The following ZNF804A variants were observed in gnomAD, a reference collection of about 807,000 sequenced individuals.
The protein encoded by ZNF804A is zinc finger protein 804A.
In ZNF804A, 2 loss-of-function variants were observed where a neutral mutation model predicts 16.5. That is an observed-to-expected ratio of 0.12 (90% CI 0.05 to 0.38). ZNF804A has a LOEUF of 0.38. ZNF804A is among the 10% of genes least tolerant of loss of function. ZNF804A has a pLI of 0.99. For synonymous variants in ZNF804A, 534 were observed against 489.6 expected, an observed-to-expected ratio of 1.09 and a Z score of -1.20; for missense variants, 1,473 against 1,390.7, an observed-to-expected ratio of 1.06 and a Z score of -0.94.
intron 1 of ZNF804A, among the ~76,000 whole-genome samples, chr2:184,739,771 A>T (rs1028172124): frequency 9.9e-5 from 15 of 152,178 alleles, no homozygotes; most frequent in African/African-American, 3.6e-4. Context: ...TCAATGTCCC[A>T]ATACTTTAAT....
intron 1 of ZNF804A, among the ~76,000 whole-genome samples, chr2:184,684,115 G>A (rs1449777934): frequency 1.3e-5 from 2 of 152,178 alleles, no homozygotes; most frequent in Non-Finnish European, 2.9e-5. Flanking sequence ...TAAGGAAGTG[G>A]CTTCTTCTGA....
At chr2:184,840,540 TTTAA>T (rs966966712) in intron 1 of ZNF804A, among the ~76,000 whole-genome samples, 25 of 152,306 alleles carry the variant, frequency 1.6e-4, no homozygotes, top group African/African-American at 6.0e-4. Flanking sequence ...AAATGTCATT[TTTAA>T]TTAATTCAAA....
At chr2:184,627,756 A>T (rs950324125) in intron 1 of ZNF804A, among the ~76,000 whole-genome samples, 1 of 152,218 alleles carries the variant, frequency 6.6e-6, no homozygotes, top group Admixed American at 6.5e-5. Context: ...AAGAGACATT[A>T]GAAATGGATT....
intron 1 of ZNF804A, among the ~76,000 whole-genome samples, chr2:184,723,974 A>G (rs1693362781): frequency 6.6e-6 from 1 of 151,802 alleles, no homozygotes; most frequent in African/African-American, 2.4e-5. Context: ...TAACATACTT[A>G]GAAATTAATG....
chr2:184,625,282 A>G (rs555837185), intron 1 of ZNF804A, among the ~76,000 whole-genome samples: 3 of 152,202 alleles, frequency 2.0e-5, no homozygotes, highest in Non-Finnish European at 4.4e-5. Context: ...TAAAATAGCC[A>G]TCAGTTTATA....
chr2:184,757,965 T>A (rs1693983884), intron 1 of ZNF804A, among the ~76,000 whole-genome samples: 1 of 152,054 alleles, frequency 6.6e-6, no homozygotes, highest in Admixed American at 6.6e-5. Flanking sequence ...TTTCCCTTAC[T>A]GTGTAGCCTT....
At chr2:184,695,599 G>T (rs1377069785) in intron 1 of ZNF804A, among the ~76,000 whole-genome samples, 1 of 147,404 alleles carries the variant, frequency 6.8e-6, no homozygotes, top group African/African-American at 2.5e-5. Context: ...TTACATTTTT[G>T]TAGAGATGGG....
intron 1 of ZNF804A, among the ~76,000 whole-genome samples, chr2:184,778,680 C>A (rs536001800): frequency 5.1e-4 from 77 of 151,760 alleles, no homozygotes; most frequent in Admixed American, 2.0e-3. Flanking sequence ...AAAGCAACAC[C>A]AGGCATTCTT....
chr2:184,938,259 C>G lies in ZNF804A; in HGVS notation c.2863C>G (p.Pro955Ala), dbSNP rs1685828179. The G allele has an allele frequency of 1.9e-6, 3 of 1,613,948 alleles. No homozygotes were observed. The East Asian group carries it at 6.7e-5, about 36-fold the overall frequency. The change falls in exon 4 of 4, where the codon CCT (proline) becomes GCT (alanine). Residue 955 changes from proline (P) to alanine (A), a missense_variant. Physicochemically the swap from Pro to Ala is conservative, Grantham distance 27 (BLOSUM62 -1). Coordinates refer to ENST00000302277, the MANE Select transcript of ZNF804A (RefSeq NM_194250.2). ...LNEKQIPFQV[P>A]NIERNFRQSQ... is the part of the protein sequence containing the mutation. ...TGAAAAGCAAATTCCTTTTCAGGTG[C>G]CTAATATTGAAAGGAACTTTAGACA...
intron 1 of ZNF804A, among the ~76,000 whole-genome samples, chr2:184,835,249 G>A (rs1006769316): frequency 3.9e-5 from 6 of 152,044 alleles, no homozygotes; most frequent in Admixed American, 3.9e-4. Context: ...GTGTAGAGCA[G>A]CAGCAGAGGT....
At chr2:184,688,497 A>G (rs1470615539) in intron 1 of ZNF804A, among the ~76,000 whole-genome samples, 1 of 151,492 alleles carries the variant, frequency 6.6e-6, no homozygotes, top group Non-Finnish European at 1.5e-5. Context: ...TTTTTCAGAC[A>G]CCCCCCTAAA....
At chr2:184,793,484 A>G (rs552496058) in intron 1 of ZNF804A, among the ~76,000 whole-genome samples, 109 of 152,100 alleles carry the variant, frequency 7.2e-4, no homozygotes, top group Non-Finnish European at 1.4e-3. Context: ...GTGAGATGGT[A>G]TCTCATTGTG....
chr2:184,891,911 G>GA (rs1306169818), intron 2 of ZNF804A, among the ~76,000 whole-genome samples: 7 of 151,962 alleles, frequency 4.6e-5, no homozygotes, highest in Non-Finnish European at 8.8e-5. Context: ...TATCCTAAAA[G>GA]AAAAAATTAC....
chr2:184,856,045 A>G (rs556261168), intron 1 of ZNF804A, among the ~76,000 whole-genome samples: 70 of 152,038 alleles, frequency 4.6e-4, no homozygotes, highest in South Asian at 1.2e-3. Context: ...GCAAGGTGAT[A>G]ATAATAATAG....
At position 184,604,146 on chromosome 2, in the gene ZNF804A, CTTTTTTTTTTTT is replaced by C. The variant is rs759053144; in HGVS notation, c.111+5106_111+5117del. ...TTCAGGTTATGGATGACTGCAATTA[CTTTTTTTTTTTT>C]TTTTTTTTTTTTTTTTTTTTTTTTT... is the stretch of plus-strand genomic sequence containing the variant. On this transcript the variant is annotated intron_variant, in intron 1 of 3. Coordinates refer to ENST00000302277, the MANE Select transcript of ZNF804A (RefSeq NM_194250.2). Among the ~76,000 whole-genome samples the C allele has an allele frequency of 7.4e-4, 33 of 44,864 alleles. 3 individuals are homozygous for C. The highest frequency in any genetic ancestry group is 1.3e-3 in the Admixed American group (4 of 2,996). The allele number at this position is 44,864 out of a possible 152,430, so 29.4% of individuals were successfully genotyped here.
intron 1 of ZNF804A, among the ~76,000 whole-genome samples, chr2:184,795,318 A>C (rs1694614952): frequency 6.6e-6 from 1 of 152,192 alleles, no homozygotes; most frequent in Non-Finnish European, 1.5e-5. Flanking sequence ...CTCCTCATTA[A>C]GCACTAGGTC....
rs755199105 is a variant in ZNF804A at position 184,853,832 on chromosome 2, AT to A, written c.112-12535del. Among the ~76,000 whole-genome samples the A allele has an allele frequency of 3.6e-4, 54 of 149,074 alleles. No homozygotes were observed. In the Middle Eastern group the frequency reaches 0.011, roughly 30 times the overall value. On this transcript the variant is annotated intron_variant, in intron 1 of 3. Transcript: ENST00000302277. ...GCTGAGGATTTTTCCACCAAAAAAA[AT>A]TGATATTACAGGGATAGTAACCTTA...
intron 1 of ZNF804A, among the ~76,000 whole-genome samples, chr2:184,760,518 A>G (rs1436605379): frequency 6.6e-6 from 1 of 152,152 alleles, no homozygotes; most frequent in Non-Finnish European, 1.5e-5. Context: ...TTTAAAGTAG[A>G]GCTTAAGTTG....
intron 1 of ZNF804A, among the ~76,000 whole-genome samples, chr2:184,782,579 GT>G (rs1206316889): frequency 6.6e-6 from 1 of 151,174 alleles, no homozygotes; most frequent in Admixed American, 6.6e-5. Context: ...ACTTGAACTG[GT>G]TTCCCTTGCT....
Sources: gnomAD v4.1 joint callset for allele counts (sites outside exome capture counted in the v4.1 genomes callset) on GRCh38, gnomAD v4.1.1 for gene constraint, MANE v1.5 for transcripts, NCBI Gene and HGNC (gene_info 2026-07-23, HGNC 2026-07-21) for gene names.